Variants in BTBD7 observed in about 807,000 individuals in gnomAD.
BTBD7 encodes BTB domain containing 7.
A neutral mutation model predicts 99.9 loss-of-function variants in BTBD7; 38 were observed. That is an observed-to-expected ratio of 0.38 (90% CI 0.29 to 0.50). The LOEUF (loss-of-function observed/expected upper bound fraction) is 0.50, where lower values mean the gene tolerates loss of function less well. Ranked by LOEUF, BTBD7 falls within the 20% of genes least tolerant of loss-of-function variation. The pLI, the probability that BTBD7 is intolerant of heterozygous loss-of-function variation, is 0.93. For missense variants in BTBD7, 1,170 were observed against 1,394.6 expected, an observed-to-expected ratio of 0.84 and a Z score of 2.57; for synonymous variants, 520 against 511.4, an observed-to-expected ratio of 1.02 and a Z score of -0.23.
intron 3 of BTBD7, among the ~76,000 whole-genome samples, chr14:93,270,229 GGGA>G (rs1307186011): frequency 6.6e-6 from 1 of 152,098 alleles, no homozygotes; most frequent in Non-Finnish European, 1.5e-5. Context: ...CTGAGTAGCT[GGGA>G]TTACAGGCGC....
At chr14:93,300,839 C>T (rs2052996090) in intron 1 of BTBD7, among the ~76,000 whole-genome samples, 1 of 149,304 alleles carries the variant, frequency 6.7e-6, no homozygotes, top group South Asian at 2.1e-4. Context: ...TGGTCTCAAA[C>T]TCCTGAGCTC....
In BTBD7 at chr14:93,242,474, A is replaced by G. The variant is rs778108156; in HGVS notation, c.3198T>C (p.Phe1066=). 1.2e-6 allele frequency: 2 copies of G among 1,614,264 alleles called. No individual in the cohort carries two copies. Among genetic ancestry groups the G allele is most frequent in the Non-Finnish European group, 1.7e-6 (2 of 1,180,048 alleles). ...GRTAVETDLT[F]GLTPNRPSLS... is the part of the protein sequence containing the mutation. ...GTGAAGGTCTGTTAGGAGTCAGCCC[A>G]AAAGTCAAGTCAGTTTCTACTGCAG... Residue 1066 remains phenylalanine, a synonymous_variant, in exon 11 of 11, where the codon TTT becomes TTC. Coordinates refer to ENST00000334746, the MANE Select transcript of BTBD7 (RefSeq NM_001002860.4).
At chr14:93,274,443 G>A (rs1424625592) in intron 3 of BTBD7, among the ~76,000 whole-genome samples, 1 of 152,206 alleles carries the variant, frequency 6.6e-6, no homozygotes, top group Non-Finnish European at 1.5e-5. Flanking sequence ...TGCAAACCAT[G>A]AGATGCAAGG....
intron 3 of BTBD7, among the ~76,000 whole-genome samples, chr14:93,289,319 T>C (rs1331869136): frequency 6.6e-6 from 1 of 152,222 alleles, no homozygotes; most frequent in Non-Finnish European, 1.5e-5. Flanking sequence ...AATTCCAGGG[T>C]TGGGGAAAGG....
intron 1 of BTBD7, among the ~76,000 whole-genome samples, chr14:93,323,225 T>C (rs752041958): frequency 1.5e-4 from 23 of 152,028 alleles, no homozygotes; most frequent in African/African-American, 3.1e-4. Context: ...CTGGGGAACA[T>C]AGCAAGAACG....
chr14:93,247,761 G>C (rs2052329230), intron 9 of BTBD7, among the ~76,000 whole-genome samples: 1 of 152,224 alleles, frequency 6.6e-6, no homozygotes, highest in African/African-American at 2.4e-5. Context: ...TAGTGGCTGT[G>C]ATCAGACTAG....
intron 3 of BTBD7, among the ~76,000 whole-genome samples, chr14:93,273,648 G>C (rs962319101): frequency 1.3e-5 from 2 of 152,176 alleles, no homozygotes; most frequent in Non-Finnish European, 2.9e-5. Context: ...AGGAGAAGCA[G>C]CTCCCCCAAC....
intron 1 of BTBD7, among the ~76,000 whole-genome samples, chr14:93,325,624 T>C (rs561350759): frequency 6.6e-6 from 1 of 152,222 alleles, no homozygotes; most frequent in East Asian, 1.9e-4. Context: ...AAGATTTCCA[T>C]ACCTATTTTA....
chr14:93,302,951 T>G (rs1178040685), intron 1 of BTBD7, among the ~76,000 whole-genome samples: 1 of 152,160 alleles, frequency 6.6e-6, no homozygotes, highest in Non-Finnish European at 1.5e-5. Context: ...AGATTGAGGT[T>G]GCAGTGAGCT....
intron 3 of BTBD7, among the ~76,000 whole-genome samples, chr14:93,279,819 A>G (rs981428757): frequency 6.6e-5 from 10 of 152,188 alleles, no homozygotes; most frequent in African/African-American, 1.7e-4. Flanking sequence ...TAAGAGCTCA[A>G]TAAGTGTTTG....
chr14:93,294,930 T>A lies in BTBD7; in HGVS notation c.90A>T (p.Ser30=), dbSNP rs150824470. The change falls in exon 3 of 11, where the codon TCA becomes TCT. Residue 30 remains serine (S), a synonymous_variant. Coordinates refer to ENST00000334746, the MANE Select transcript of BTBD7 (RefSeq NM_001002860.4). Reference sequence around the variant, plus strand: ...AACCATAGCCTTGCTGAGAATAGGATGAGGTCCCTAAGAAAAAAATTAAAC... The same window carrying A: ...AACCATAGCCTTGCTGAGAATAGGAAGAGGTCCCTAAGAAAAAAATTAAAC... ...SQAQQTFIGT[S]SYSQQGYGCE... 1 of 1,547,318 alleles carries A rather than the reference T, an allele frequency of 6.5e-7. No homozygotes were observed. Among genetic ancestry groups the A allele is most frequent in the Non-Finnish European group, 8.7e-7 (1 of 1,151,786 alleles).
At chr14:93,311,403 T>A (rs1247993336) in intron 1 of BTBD7, among the ~76,000 whole-genome samples, 1 of 152,218 alleles carries the variant, frequency 6.6e-6, no homozygotes, top group Non-Finnish European at 1.5e-5. Flanking sequence ...TTCCCTTTAG[T>A]GGGAAATGGT....
intron 1 of BTBD7, among the ~76,000 whole-genome samples, chr14:93,323,612 C>T (rs1023049797): frequency 3.9e-5 from 6 of 152,170 alleles, no homozygotes; most frequent in African/African-American, 1.2e-4. Flanking sequence ...GAATAATTCA[C>T]AATTGAATCC....
At chr14:93,321,603 G>C (rs1035091081) in intron 1 of BTBD7, among the ~76,000 whole-genome samples, 1 of 152,030 alleles carries the variant, frequency 6.6e-6, no homozygotes, top group African/African-American at 2.4e-5. Context: ...AAACAAACAA[G>C]CAAACAATAC....
intron 8 of BTBD7, among the ~76,000 whole-genome samples, chr14:93,249,714 A>C: frequency 6.6e-6 from 1 of 152,210 alleles, no homozygotes; most frequent in East Asian, 1.9e-4. Context: ...TACAGAGCCT[A>C]AAGTATTTAC....
chr14:93,303,048 G>C (rs1037644555), intron 1 of BTBD7, among the ~76,000 whole-genome samples: 11 of 152,132 alleles, frequency 7.2e-5, no homozygotes, highest in East Asian at 3.9e-4. Context: ...CAAAGGTATT[G>C]GGTCTTTGTT....
At position 93,293,883 on chromosome 14, in the gene BTBD7, G is replaced by T; in HGVS notation, c.1137C>A (p.Phe379Leu). ...CTTGTGCAAGCATGTTAAATTCCAA[G>T]AACAGTGCTATGTGGTAAAGTTCCA... Reference protein sequence around the residue: ...EAMELYHIALFLEFNMLAQGC... With the variant: ...EAMELYHIALLLEFNMLAQGC... Residue 379 changes from phenylalanine to leucine, a missense_variant, in exon 3 of 11, where the codon TTC becomes TTA. By Grantham distance (22) the Phe-to-Leu change is conservative. Transcript: ENST00000334746. 1 of 1,611,702 alleles carries T rather than the reference G, an allele frequency of 6.2e-7. No homozygotes were observed. The highest frequency in any genetic ancestry group is 8.5e-7 in the Non-Finnish European group (1 of 1,179,236).
In BTBD7 at chr14:93,301,518, T is replaced by C. The variant is rs8019330; in HGVS notation, c.-106-5361A>G. 1.9e-3 allele frequency among the ~76,000 whole-genome samples: 290 copies of C among 148,894 alleles called. 3 individuals carry two copies. The East Asian group carries it at 0.043, about 22-fold the overall frequency. On this transcript the variant is annotated intron_variant, in intron 1 of 10. Transcript: ENST00000334746. ...AAATATTTTTACATATATATATATA[T>C]ACACACACACATATACATAAAATTA...
rs141890157 is a variant in BTBD7 at position 93,314,700 on chromosome 14, G to A, written c.-107+18120C>T. The stretch of plus-strand genomic sequence containing the variant: ...ATTTCAAGAAGATTCTTGGGTTAAA[G>A]GATATACATGTTTCTAATTTGAAGA... On this transcript the variant is annotated intron_variant, in intron 1 of 10. Transcript: ENST00000334746. Among the ~76,000 whole-genome samples, 1,520 of 152,222 alleles carry A rather than the reference G, an allele frequency of 1.0e-2. 38 individuals carry two copies. Among genetic ancestry groups the A allele is most frequent in the African/African-American group, 0.035 (1,462 of 41,526 alleles).
Sources: gnomAD v4.1 joint callset for allele counts (sites outside exome capture counted in the v4.1 genomes callset) on GRCh38, gnomAD v4.1.1 for gene constraint, MANE v1.5 for transcripts, NCBI Gene and HGNC (gene_info 2026-07-23, HGNC 2026-07-21) for gene names.